SLC36A2: variants seen among roughly 807,000 people sequenced by gnomAD.
SLC36A2 encodes solute carrier family 36 member 2, also known as proton-coupled amino acid transporter 2.
SLC36A2 carries 39 observed loss-of-function variants against 42.7 expected under a neutral mutation model. The ratio of observed to expected loss-of-function variants is 0.91; its 90% CI spans 0.71 to 1.19. The LOEUF is 1.19. Ranked by LOEUF, SLC36A2 falls within the 50% of genes most tolerant of loss-of-function variation. The pLI, the probability that SLC36A2 is intolerant of heterozygous loss-of-function variation, is 0.00. For missense variants in SLC36A2, 590 were observed against 613.7 expected (o/e 0.96, Z 0.41); for synonymous variants, 237 against 240.8 (o/e 0.98, Z 0.15).
At chr5:151,337,361 T>G (rs1469442778) in intron 5 of SLC36A2, among the ~76,000 whole-genome samples, 2 of 152,218 alleles carry the variant, frequency 1.3e-5, no homozygotes, top group Non-Finnish European at 2.9e-5. Flanking sequence ...TCCAGTGATC[T>G]CTGCAATGTA....
intron 1 of SLC36A2, among the ~76,000 whole-genome samples, chr5:151,345,018 C>T (rs1756454066): frequency 6.6e-6 from 1 of 152,156 alleles, no homozygotes; most frequent in Non-Finnish European, 1.5e-5. Context: ...CACACCTCCC[C>T]TCCCCCAAAC....
chr5:151,316,767 A>C lies in SLC36A2; in HGVS notation c.*50T>G. On this transcript the variant is annotated 3_prime_UTR_variant, in exon 10 of 10. Coordinates refer to ENST00000335244, the MANE Select transcript of SLC36A2 (RefSeq NM_181776.3). ...AAAAAAAAAAAAAAAAAAAAAAGAGATCCATATAATTAAAAGTCGGGTGCT... is the reference window on the plus strand; with the variant it reads ...AAAAAAAAAAAAAAAAAAAAAAGAGCTCCATATAATTAAAAGTCGGGTGCT... The C allele has an allele frequency of 7.9e-7, 1 of 1,269,374 alleles. No individual in the cohort carries two copies. The highest frequency in any genetic ancestry group is 1.1e-6 in the Non-Finnish European group (1 of 889,264). 78.6% of individuals were successfully genotyped at this position (1,269,374 alleles called of 1,614,324 possible). A position where few individuals can be genotyped will look rare whatever the true frequency, so the allele number is the denominator to read the frequency against.
chr5:151,336,025 A>C (rs1756146994), intron 5 of SLC36A2, among the ~76,000 whole-genome samples: 1 of 151,954 alleles, frequency 6.6e-6, no homozygotes. Context: ...AAAAAGTTGT[A>C]AAAATAGTTA....
chr5:151,317,283 C>T (rs1251595766), intron 9 of SLC36A2, among the ~76,000 whole-genome samples, 195 bp from the exon 10 acceptor site: 1 of 152,038 alleles, frequency 6.6e-6, no homozygotes, highest in Non-Finnish European at 1.5e-5. Flanking sequence ...GAAATCCCAT[C>T]TCTACTAAAA....
intron 4 of SLC36A2, 143 bp from the exon 5 acceptor site, chr5:151,339,287 A>C: frequency 3.4e-6 from 2 of 596,168 alleles, no homozygotes; most frequent in Non-Finnish European, 6.3e-6. Context: ...ACAATCAACA[A>C]TGGGGCAAAG....
chr5:151,315,010 A>G lies in SLC36A2; in HGVS notation c.*1807T>C, dbSNP rs190857256. ...ATTACAAACATCTTTATTATTTATC[A>G]CAGTTCTGTGGATTATCTGTACAAT... is the stretch of plus-strand genomic sequence containing the variant. On this transcript the variant is annotated 3_prime_UTR_variant, in exon 10 of 10. Coordinates refer to ENST00000335244, the MANE Select transcript of SLC36A2 (RefSeq NM_181776.3). 1 of 152,708 alleles carries G rather than the reference A, an allele frequency of 6.5e-6. No individual in the cohort carries two copies. The highest frequency in any genetic ancestry group is 2.4e-5 in the African/African-American group (1 of 41,554). 9.5% of individuals were successfully genotyped at this position (152,708 alleles called of 1,614,324 possible).
At chr5:151,333,467 G>C in intron 6 of SLC36A2, 145 bp from the exon 7 acceptor site, 1 of 694,796 alleles carries the variant, frequency 1.4e-6, no homozygotes, top group Non-Finnish European at 2.6e-6. Flanking sequence ...TGTAGGCCAC[G>C]ATCAAAGTTG....
At chr5:151,334,857 T>A (rs937966000) in intron 6 of SLC36A2, among the ~76,000 whole-genome samples, 1 of 152,090 alleles carries the variant, frequency 6.6e-6, no homozygotes, top group African/African-American at 2.4e-5. Context: ...AAGACACTTA[T>A]TGAAAGCTTA....
At chr5:151,339,016 C>G in intron 5 of SLC36A2, 44 bp downstream of exon 5, 1 of 1,412,220 alleles carries the variant, frequency 7.1e-7, no homozygotes, top group Non-Finnish European at 1.0e-6. Flanking sequence ...AGTGGCGTGT[C>G]CTTGTCCATC....
intron 7 of SLC36A2, among the ~76,000 whole-genome samples, chr5:151,329,020 C>T (rs1019267326): frequency 4.6e-5 from 7 of 152,152 alleles, no homozygotes; most frequent in South Asian, 2.1e-4. Flanking sequence ...GAACCCACTG[C>T]GAGCTGGCGA....
intron 4 of SLC36A2, 149 bp downstream of exon 4, chr5:151,342,739 C>A: frequency 1.5e-6 from 1 of 680,180 alleles, no homozygotes; most frequent in Non-Finnish European, 2.7e-6. Context: ...GGGGGTTGAT[C>A]AGGGATGTTG....
intron 7 of SLC36A2, among the ~76,000 whole-genome samples, chr5:151,325,676 A>C (rs189404497): frequency 1.6e-3 from 240 of 152,330 alleles, no homozygotes; most frequent in African/African-American, 5.6e-3. Context: ...GTATCCATGC[A>C]ATGGAACGTT....
chr5:151,339,371 A>G (rs1756253893), intron 4 of SLC36A2, among the ~76,000 whole-genome samples: 1 of 151,284 alleles, frequency 6.6e-6, no homozygotes, highest in Non-Finnish European at 1.5e-5. Context: ...CTGGAGTGCA[A>G]TGGTGGGATC....
chr5:151,330,852 A>G (rs1184745456), intron 7 of SLC36A2, among the ~76,000 whole-genome samples: 1 of 152,226 alleles, frequency 6.6e-6, no homozygotes, highest in African/African-American at 2.4e-5. Flanking sequence ...GAAAACGTAT[A>G]TTATAGTACC....
intron 9 of SLC36A2, among the ~76,000 whole-genome samples, chr5:151,317,953 G>A (rs1366872717): frequency 6.6e-6 from 1 of 152,216 alleles, no homozygotes; most frequent in Non-Finnish European, 1.5e-5. Context: ...AGGGGAAAAG[G>A]AGGGAGGAGA....
intron 5 of SLC36A2, 94 bp from the exon 6 acceptor site, chr5:151,335,641 C>CTGTG: frequency 2.2e-6 from 2 of 917,800 alleles, no homozygotes; most frequent in Non-Finnish European, 3.6e-6. Flanking sequence ...AATTCCCTCA[C>CTGTG]AGTGAATGGG....
chr5:151,317,116 G>A, intron 9 of SLC36A2, 28 bp from the exon 10 acceptor site: 1 of 1,611,782 alleles, frequency 6.2e-7, no homozygotes, highest in East Asian at 2.2e-5. Context: ...TGGAGAGATG[G>A]AGCATTCCAG....
chr5:151,320,628 G>C (rs1440528247), intron 9 of SLC36A2, among the ~76,000 whole-genome samples: 1 of 152,200 alleles, frequency 6.6e-6, no homozygotes, highest in Non-Finnish European at 1.5e-5. Context: ...GGTCATGGGG[G>C]CTGCTGTGAG....
At chr5:151,335,116 T>C (rs1321105921) in intron 6 of SLC36A2, among the ~76,000 whole-genome samples, 1 of 152,042 alleles carries the variant, frequency 6.6e-6, no homozygotes, top group Non-Finnish European at 1.5e-5. Flanking sequence ...GACATAAAAA[T>C]AGATATTTGG....
Sources: allele counts gnomAD v4.1 joint callset (sites outside exome capture counted in the v4.1 genomes callset), GRCh38; gene constraint gnomAD v4.1.1; transcripts MANE v1.5; gene names NCBI Gene and HGNC (gene_info 2026-07-23, HGNC 2026-07-21).